Variants in PRKCH observed in about 807,000 individuals in gnomAD.
The protein encoded by PRKCH is protein kinase C eta type.
In PRKCH, 28 loss-of-function variants were observed where a neutral mutation model predicts 82.5. The ratio of observed to expected loss-of-function variants is 0.34; its 90% confidence interval spans 0.25 to 0.47. PRKCH has a LOEUF of 0.47. PRKCH is among the 20% of genes least tolerant of loss of function. The probability of loss-of-function intolerance (pLI) is 1.00; values close to 1 mark genes in which losing one functional copy is unlikely to be tolerated. For synonymous variants in PRKCH, 322 were observed against 327.4 expected, an observed-to-expected ratio of 0.98 and a Z score of 0.18; for missense variants, 705 against 881.8, an observed-to-expected ratio of 0.80 and a Z score of 2.54.
chr14:61,365,023 A>T (rs970121031), intron 1 of PRKCH, among the ~76,000 whole-genome samples: 2 of 152,016 alleles, frequency 1.3e-5, no homozygotes, highest in African/African-American at 4.8e-5. Context: ...GGGAGTGGCC[A>T]TGGGAATGGC....
intron 2 of PRKCH, among the ~76,000 whole-genome samples, chr14:61,412,892 A>G (rs1456747081): frequency 6.6e-6 from 1 of 151,700 alleles, no homozygotes; most frequent in Non-Finnish European, 1.5e-5. Context: ...CTGCCAGGGA[A>G]CCTCTCTTCC....
At chr14:61,211,499 G>A (rs1258867445) in intron 1 of PRKCH, among the ~76,000 whole-genome samples, 1 of 152,178 alleles carries the variant, frequency 6.6e-6, no homozygotes, top group African/African-American at 2.4e-5. Flanking sequence ...AGAAAGTTCT[G>A]TTAATTGTTA....
chr14:61,432,537 G>A (rs1349871972), intron 2 of PRKCH, among the ~76,000 whole-genome samples: 1 of 152,070 alleles, frequency 6.6e-6, no homozygotes, highest in South Asian at 2.1e-4. Context: ...GTCTTGCTTT[G>A]TTGCCCAGGC....
chr14:61,407,724 C>T (rs957904581), intron 2 of PRKCH, among the ~76,000 whole-genome samples: 11 of 152,184 alleles, frequency 7.2e-5, no homozygotes, highest in Non-Finnish European at 1.3e-4. Flanking sequence ...TTGAAGGTCA[C>T]ACTTAGGTAC....
chr14:61,324,231 G>A (rs552678474), intron 1 of PRKCH, among the ~76,000 whole-genome samples: 1 of 152,324 alleles, frequency 6.6e-6, no homozygotes, highest in East Asian at 1.9e-4. Flanking sequence ...ATCTGACTAG[G>A]TGGCATGTAC....
At chr14:61,192,085 G>T (rs147728663) in intron 1 of PRKCH, among the ~76,000 whole-genome samples, 1 of 151,808 alleles carries the variant, frequency 6.6e-6, no homozygotes, top group Non-Finnish European at 1.5e-5. Context: ...CCCTAAGTAG[G>T]CAACTCCACC....
chr14:61,433,305 A>G (rs1883511453), intron 2 of PRKCH, among the ~76,000 whole-genome samples: 1 of 152,194 alleles, frequency 6.6e-6, no homozygotes, highest in Non-Finnish European at 1.5e-5. Context: ...GATTTTTCCA[A>G]AATCATGAAA....
intron 10 of PRKCH, among the ~76,000 whole-genome samples, chr14:61,488,516 T>C (rs1886325769): frequency 6.6e-6 from 1 of 152,238 alleles, no homozygotes; most frequent in African/African-American, 2.4e-5. Context: ...ATTCAAACCA[T>C]GGTTCTAACC....
At chr14:61,315,833 TG>T in intron 1 of PRKCH, among the ~76,000 whole-genome samples, 1 of 151,600 alleles carries the variant, frequency 6.6e-6, no homozygotes, top group East Asian at 1.9e-4. Flanking sequence ...CTGCAGCTCT[TG>T]CCTCCTGGGT....
chr14:61,386,487 G>A (rs943787478), intron 1 of PRKCH, among the ~76,000 whole-genome samples: 5 of 152,120 alleles, frequency 3.3e-5, no homozygotes, highest in African/African-American at 1.2e-4. Flanking sequence ...TTCGAGAGTG[G>A]ACGTGTTGGG....
In PRKCH at chr14:61,549,827, C is replaced by T. The variant is rs899676221; in HGVS notation, c.2048C>T (p.Pro683Leu). ...TCCTATGTGTCTCCAGAATTGCAAC[C>T]ATAGCCTTATGGGGAGTGAGAGAGA... ...NFSYVSPELQ[P>L] The change falls in exon 14 of 14, where the codon CCA becomes CTA. Residue 683 changes from proline (P) to leucine (L), a missense_variant. Transcript: ENST00000332981. 3.7e-6 allele frequency: 6 copies of T among 1,613,856 alleles called. No individual in the cohort carries two copies. Among genetic ancestry groups the T allele is most frequent in the Non-Finnish European group, 5.1e-6 (6 of 1,179,936 alleles).
At chr14:61,215,649 T>C (rs549883476) in intron 1 of PRKCH, among the ~76,000 whole-genome samples, 1 of 152,232 alleles carries the variant, frequency 6.6e-6, no homozygotes, top group Admixed American at 6.5e-5. Flanking sequence ...AATAGGTATT[T>C]GATAAGTGCT....
chr14:61,457,126 C>T (rs1216757076), intron 7 of PRKCH, 50 bp from the exon 8 acceptor site: 1 of 1,594,988 alleles, frequency 6.3e-7, no homozygotes, highest in Non-Finnish European at 8.6e-7. Flanking sequence ...TGCATGGGTG[C>T]TCCATGCTTC....
intron 1 of PRKCH, among the ~76,000 whole-genome samples, chr14:61,267,043 A>G (rs962488930): frequency 2.6e-5 from 4 of 152,210 alleles, no homozygotes; most frequent in African/African-American, 9.6e-5. Flanking sequence ...GTTTTATCAC[A>G]GCATGTTTTC....
At chr14:61,190,775 G>A (rs533665087) in intron 1 of PRKCH, among the ~76,000 whole-genome samples, 45 of 152,152 alleles carry the variant, frequency 3.0e-4, no homozygotes, top group Non-Finnish European at 4.9e-4. Context: ...TCTCTTCCCC[G>A]ATGGACTCCC....
rs34477992 is a variant in PRKCH at position 61,433,043 on chromosome 14, C to CAAAAAAAAAAAAAA, written c.428-10063_428-10050dup. On this transcript the variant is annotated intron_variant, in intron 2 of 13. Coordinates refer to ENST00000332981, the MANE Select transcript of PRKCH (RefSeq NM_006255.5). ...CCCTCCCCTCACCCCCCAACCTCTT[C>CAAAAAAAAAAAAAA]AAAAAAAAAAAAAAAAAACTATCAA... is the stretch of plus-strand genomic sequence containing the variant. Among the ~76,000 whole-genome samples the CAAAAAAAAAAAAAA allele has an allele frequency of 2.9e-3, 320 of 110,918 alleles. 14 individuals carry two copies. Among genetic ancestry groups the CAAAAAAAAAAAAAA allele is most frequent in the African/African-American group, 0.011 (303 of 26,848 alleles). The allele number at this position is 110,918 out of a possible 152,430, so 72.8% of individuals were successfully genotyped here.
At chr14:61,210,820 A>G (rs867050012) in intron 1 of PRKCH, among the ~76,000 whole-genome samples, 1 of 146,530 alleles carries the variant, frequency 6.8e-6, no homozygotes, top group South Asian at 2.3e-4. Context: ...GTGTGCGTGC[A>G]CGCGTGCATT....
At chr14:61,276,372 T>C (rs28414579) in intron 1 of PRKCH, among the ~76,000 whole-genome samples, 2 of 152,116 alleles carry the variant, frequency 1.3e-5, no homozygotes, top group East Asian at 3.9e-4. Context: ...CTTTTTGTTT[T>C]TAAGACAGAG....
At chr14:61,215,348 A>G (rs2044609297) in intron 1 of PRKCH, among the ~76,000 whole-genome samples, 1 of 152,222 alleles carries the variant, frequency 6.6e-6, no homozygotes, top group South Asian at 2.1e-4. Context: ...ATCCTGCCTT[A>G]AGATTGCATC....
Sources: gnomAD v4.1 joint callset for allele counts (sites outside exome capture counted in the v4.1 genomes callset) on GRCh38, gnomAD v4.1.1 for gene constraint, MANE v1.5 for transcripts, NCBI Gene and HGNC (gene_info 2026-07-23, HGNC 2026-07-21) for gene names.